Variants in NRP1 observed in about 807,000 individuals in gnomAD.
NRP1 encodes neuropilin-1.
Under a neutral mutation model 106.7 loss-of-function variants are expected in NRP1, and 35 were observed. The observed-to-expected ratio is 0.33, with a 90% CI of 0.25 to 0.43. The LOEUF is 0.43. Among genes scored for constraint, NRP1 ranks in the 20% least tolerant of loss-of-function variants. The pLI is 1.00. For missense variants in NRP1, 1,024 were observed against 1,170.4 expected (o/e 0.87, Z 1.83); for synonymous variants, 437 against 417.9 (o/e 1.05, Z -0.56).
chr10:33,301,853 G>A (rs1019237357), intron 2 of NRP1, among the ~76,000 whole-genome samples: 2 of 152,142 alleles, frequency 1.3e-5, no homozygotes, highest in East Asian at 3.8e-4. Context: ...GGGAATAAGT[G>A]TAGAAAGAAC....
intron 2 of NRP1, among the ~76,000 whole-genome samples, chr10:33,272,083 T>C (rs1483680544): frequency 6.6e-6 from 1 of 152,246 alleles, no homozygotes; most frequent in Non-Finnish European, 1.5e-5. Context: ...GAAATCTTCA[T>C]GATGCCCAAT....
chr10:33,253,303 G>A (rs1298627830), intron 6 of NRP1, among the ~76,000 whole-genome samples: 1 of 152,120 alleles, frequency 6.6e-6, no homozygotes, highest in African/African-American at 2.4e-5. Context: ...TTAGACGGCT[G>A]GAAAATGGGG....
Position 33,186,367 on chromosome 10 carries a change from C to T in NRP1, c.2184G>A (p.Met728Ile). The T allele has an allele frequency of 6.2e-7, 1 of 1,614,154 alleles. No homozygotes were observed. The highest frequency in any genetic ancestry group is 8.5e-7 in the Non-Finnish European group (1 of 1,180,036). ...SAHCMTFWYH[M>I]SGSHVGTLRV... is the part of the protein sequence containing the mutation. ...TGAGTGTGCCGACGTGGGACCCAGA[C>T]ATGTGATACCAGAAGGTCATGCAGT... The change falls in exon 14 of 17, where the codon ATG (methionine) becomes ATA (isoleucine). Residue 728 changes from methionine (M) to isoleucine (I), a missense_variant. Transcript: ENST00000374867.
chr10:33,286,860 T>C (rs901567940), intron 2 of NRP1, among the ~76,000 whole-genome samples: 2 of 152,164 alleles, frequency 1.3e-5, no homozygotes, highest in Admixed American at 1.3e-4. Flanking sequence ...TTAACATTTT[T>C]GCGTGTGTGT....
chr10:33,330,752 C>A lies in NRP1; in HGVS notation c.204G>T (p.Met68Ile), dbSNP rs751789763. 2 of 1,613,580 alleles carry A rather than the reference C, an allele frequency of 1.2e-6. No individual in the cohort carries two copies. Among genetic ancestry groups the A allele is most frequent in the Non-Finnish European group, 1.7e-6 (2 of 1,179,770 alleles). The change falls in exon 2 of 17, where the codon ATG (methionine) becomes ATT (isoleucine). Residue 68 changes from methionine (M) to isoleucine (I), a missense_variant. Transcript: ENST00000374867. Reference sequence around the variant, plus strand: ...AATCGAAGTGAGGGTTGAAGTTGATCATAATTCTCTGGTATGGGTCCGGAG... The same window carrying A: ...AATCGAAGTGAGGGTTGAAGTTGATAATAATTCTCTGGTATGGGTCCGGAG... Reference protein sequence around the residue: ...IQAPDPYQRIMINFNPHFDLE... With the variant: ...IQAPDPYQRIIINFNPHFDLE...
At chr10:33,287,842 G>A (rs1844691420) in intron 2 of NRP1, among the ~76,000 whole-genome samples, 1 of 152,184 alleles carries the variant, frequency 6.6e-6, no homozygotes, top group Non-Finnish European at 1.5e-5. Context: ...GAGAAGGTAA[G>A]AGAAATGGAA....
rs918555185 is a variant in NRP1 at position 33,205,832 on chromosome 10, AT to A, written c.1759+1739del. 7.7e-5 allele frequency: 14 copies of A among 181,762 alleles called. No homozygotes were observed. The South Asian group carries it at 8.9e-4, about 12-fold the overall frequency. 11.3% of individuals were successfully genotyped at this position (181,762 alleles called of 1,614,324 possible). On this transcript the variant is annotated intron_variant, in intron 10 of 16. Coordinates refer to ENST00000374867, the MANE Select transcript of NRP1 (RefSeq NM_003873.7). ...TGCATGACCCCTAAACCATAATTTC[AT>A]TTTTTTCCCCCTAAACCATAATTTC...
At chr10:33,202,666 C>T (rs548084409) in intron 11 of NRP1, 10 of 1,544,012 alleles carry the variant, frequency 6.5e-6, no homozygotes, top group East Asian at 4.9e-5. Flanking sequence ...CTTTGGCTCT[C>T]GAAATGGCTC....
chr10:33,267,886 A>G (rs1426156328), intron 3 of NRP1, among the ~76,000 whole-genome samples: 2 of 152,172 alleles, frequency 1.3e-5, no homozygotes, highest in African/African-American at 2.4e-5. Flanking sequence ...ACTGTCAGGC[A>G]AAGATGACCC....
chr10:33,180,224 C>A lies in NRP1; in HGVS notation c.2624G>T (p.Cys875Phe). 6.2e-7 allele frequency: 1 copy of A among 1,614,192 alleles called. No homozygotes were observed. The highest frequency in any genetic ancestry group is 2.2e-5 in the East Asian group (1 of 44,882). ...ACAGGCACAGTACAGCACGACCCCACAGACAGCCCCCAGGAGGACCCCCAG... is the reference window on the plus strand; with the variant it reads ...ACAGGCACAGTACAGCACGACCCCAAAGACAGCCCCCAGGAGGACCCCCAG... ...SALGVLLGAVCGVVLYCACWH... is the reference protein window; with the variant it reads ...SALGVLLGAVFGVVLYCACWH... The change falls in exon 17 of 17, where the codon TGT (cysteine) becomes TTT (phenylalanine). Residue 875 changes from cysteine (C) to phenylalanine (F), a missense_variant. Coordinates refer to ENST00000374867, the MANE Select transcript of NRP1 (RefSeq NM_003873.7).
chr10:33,203,213 G>A (rs1052642908), intron 10 of NRP1, among the ~76,000 whole-genome samples: 17 of 152,220 alleles, frequency 1.1e-4, no homozygotes, highest in African/African-American at 3.9e-4. Context: ...CGTATCTGCC[G>A]AGTAGAGTTG....
intron 2 of NRP1, among the ~76,000 whole-genome samples, chr10:33,317,586 C>T (rs926173507): frequency 7.2e-5 from 11 of 152,212 alleles, no homozygotes; most frequent in Non-Finnish European, 1.0e-4. Flanking sequence ...ACTGGCAACC[C>T]TGTGTAATAA....
intron 2 of NRP1, among the ~76,000 whole-genome samples, chr10:33,288,812 T>C (rs1588927595): frequency 6.6e-6 from 1 of 152,206 alleles, no homozygotes; most frequent in Non-Finnish European, 1.5e-5. Context: ...TCCTTGAATG[T>C]ATAAAACCCT....
chr10:33,286,322 C>G (rs1177979640), intron 2 of NRP1, among the ~76,000 whole-genome samples: 1 of 152,168 alleles, frequency 6.6e-6, no homozygotes, highest in Non-Finnish European at 1.5e-5. Flanking sequence ...TGTGGGAAGC[C>G]TGTGTCACAG....
At chr10:33,201,987 A>C (rs1837348212) in intron 11 of NRP1, 1 of 152,184 alleles carries the variant, frequency 6.6e-6, no homozygotes, top group South Asian at 2.1e-4. Flanking sequence ...TAACGCCTTC[A>C]GTTTTGCCCA....
intron 9 of NRP1, among the ~76,000 whole-genome samples, chr10:33,208,100 A>G (rs767670798): frequency 1.3e-5 from 2 of 151,926 alleles, no homozygotes; most frequent in Non-Finnish European, 2.9e-5. Flanking sequence ...TAACTTTTGT[A>G]TTTTTTGCAG....
chr10:33,308,807 G>T (rs1288399199), intron 2 of NRP1, among the ~76,000 whole-genome samples: 1 of 152,018 alleles, frequency 6.6e-6, no homozygotes, highest in Non-Finnish European at 1.5e-5. Flanking sequence ...TTTAAAAAAT[G>T]CATATTTCTA....
intron 2 of NRP1, among the ~76,000 whole-genome samples, chr10:33,316,713 G>T (rs1847066163): frequency 6.6e-6 from 1 of 152,156 alleles, no homozygotes; most frequent in South Asian, 2.1e-4. Flanking sequence ...AGAGAAGAAG[G>T]CCCCAACACT....
chr10:33,193,080 A>G (rs527509046), intron 12 of NRP1, among the ~76,000 whole-genome samples: 6 of 152,144 alleles, frequency 3.9e-5, no homozygotes, highest in African/African-American at 1.2e-4. Context: ...TAAAACCTCA[A>G]TGTAAGGTCA....
Sources: gnomAD v4.1 joint callset for allele counts (sites outside exome capture counted in the v4.1 genomes callset) on GRCh38, gnomAD v4.1.1 for gene constraint, MANE v1.5 for transcripts, NCBI Gene and HGNC (gene_info 2026-07-23, HGNC 2026-07-21) for gene names.